UMODL1: variants seen among roughly 807,000 people sequenced by gnomAD.
The protein encoded by UMODL1 is uromodulin like 1, also known as uromodulin-like 1.
Under a neutral mutation model 136.3 loss-of-function variants are expected in UMODL1, and 128 were observed. The ratio of observed to expected loss-of-function variants is 0.94; its 90% CI spans 0.81 to 1.09. The LOEUF is 1.09. Among genes scored for constraint, UMODL1 ranks in the 50% least tolerant of loss-of-function variants. The pLI is 0.00. For synonymous variants in UMODL1, 721 were observed against 720.0 expected (o/e 1.00, Z -0.02); for missense variants, 1,766 against 1,725.6 (o/e 1.02, Z -0.41).
intron 14 of UMODL1, among the ~76,000 whole-genome samples, chr21:42,117,689 C>G (rs765795560): frequency 1.3e-5 from 2 of 152,188 alleles, no homozygotes; most frequent in Non-Finnish European, 2.9e-5. Context: ...TGAGAAGATT[C>G]GACAGCCTTT....
intron 10 of UMODL1, among the ~76,000 whole-genome samples, chr21:42,110,431 A>T (rs2066804219): frequency 6.6e-6 from 1 of 152,156 alleles, no homozygotes; most frequent in African/African-American, 2.4e-5. Context: ...CCTGCTTCCT[A>T]ACATCCCACA....
intron 9 of UMODL1, among the ~76,000 whole-genome samples, chr21:42,109,185 G>C (rs1186632932): frequency 6.6e-6 from 1 of 151,844 alleles, no homozygotes; most frequent in Non-Finnish European, 1.5e-5. Flanking sequence ...CCCTGGCTCA[G>C]TTACTTTCCT....
chr21:42,063,675 T>C (rs1464771092), intron 1 of UMODL1, among the ~76,000 whole-genome samples: 4 of 152,226 alleles, frequency 2.6e-5, no homozygotes, highest in African/African-American at 9.6e-5. Context: ...ACTCTGGGAC[T>C]GGTGCACGCA....
At chr21:42,080,048 C>T (rs2066343524) in intron 2 of UMODL1, among the ~76,000 whole-genome samples, 1 of 152,218 alleles carries the variant, frequency 6.6e-6, no homozygotes, top group South Asian at 2.1e-4. Flanking sequence ...CTTCCCAGCC[C>T]CACGGTCAGA....
chr21:42,065,307 T>C (rs998783171), intron 1 of UMODL1, among the ~76,000 whole-genome samples: 10 of 152,194 alleles, frequency 6.6e-5, no homozygotes, highest in Non-Finnish European at 2.9e-5. Flanking sequence ...TGCGTTTCAG[T>C]TCAGATTCTA....
rs372434194 is a variant in UMODL1 at position 42,076,154 on chromosome 21, C to T, written c.226C>T (p.Arg76Trp). Residue 76 changes from arginine to tryptophan, a missense_variant, in exon 2 of 23, where the codon CGG (arginine) becomes TGG (tryptophan). Physicochemically the swap from Arg to Trp is moderately radical, Grantham distance 101. Coordinates refer to ENST00000408910, the MANE Select transcript of UMODL1 (RefSeq NM_001004416.3). ...PWRRCPKMVY[R>W]TQYLVVEVPE... ...GAGGCGGTGCCCTAAGATGGTTTAC[C>T]GGACACAGTACCTGGTAGTGGAGGT... 3.4e-5 allele frequency: 55 copies of T among 1,614,118 alleles called. No individual in the cohort carries two copies. Among genetic ancestry groups the T allele is most frequent in the African/African-American group, 3.2e-4 (24 of 74,932 alleles).
In UMODL1 at chr21:42,104,048, A is replaced by G. The variant is rs778514342; in HGVS notation, c.1480A>G (p.Thr494Ala). 12 of 1,613,794 alleles carry G rather than the reference A, an allele frequency of 7.4e-6. No homozygotes were observed. The highest frequency in any genetic ancestry group is 7.6e-6 in the Non-Finnish European group (9 of 1,180,016). The change falls in exon 9 of 23, where the codon ACA becomes GCA. Residue 494 changes from threonine to alanine, a missense_variant. By Grantham distance (58) the Thr-to-Ala change is moderately conservative. Transcript: ENST00000408910. ...APILQPLLAS[T>A]VFQIDRQGTR... ...CATACTCCAGCCCCTGTTGGCAAGCACAGTGTTCCAGATTGACCGGCAGGG... is the reference window on the plus strand; with the variant it reads ...CATACTCCAGCCCCTGTTGGCAAGCGCAGTGTTCCAGATTGACCGGCAGGG...
chr21:42,078,983 G>A (rs1183798474), intron 2 of UMODL1, among the ~76,000 whole-genome samples: 3 of 152,212 alleles, frequency 2.0e-5, no homozygotes, highest in East Asian at 1.9e-4. Flanking sequence ...ATAGCGGGGG[G>A]CCATTAGGAC....
At position 42,115,929 on chromosome 21, in the gene UMODL1, T is replaced by C; in HGVS notation, c.2419T>C (p.Phe807Leu). Residue 807 changes from phenylalanine to leucine, a missense_variant, in exon 14 of 23, where the codon TTT (phenylalanine) becomes CTT (leucine). Transcript: ENST00000408910. ...CAAAAATGTCAGGTACTCAGAATCC[T>C]TTCGCAACGCAAGCAGCCAGGAGTA... ...RIKNVRYSES[F>L]RNASSQEYRD... 1 of 1,614,044 alleles carries C rather than the reference T, an allele frequency of 6.2e-7. No individual in the cohort carries two copies. The highest frequency in any genetic ancestry group is 1.6e-4 in the Middle Eastern group (1 of 6,062).
rs778102935 is a variant in UMODL1 at position 42,085,272 on chromosome 21, A to G, written c.482-19A>G. 8 of 1,612,306 alleles carry G rather than the reference A, an allele frequency of 5.0e-6. No individual in the cohort carries two copies. Among genetic ancestry groups the G allele is most frequent in the South Asian group, 2.2e-5 (2 of 90,966 alleles). ...AACCTGTCCTGGGTCCATAATCATC[A>G]GTGTTTTCCCTTGTGTAGCTCCAGA... is the stretch of plus-strand genomic sequence containing the variant. On this transcript the variant is annotated intron_variant, in intron 3 of 22. Transcript: ENST00000408910. This position sits in a 1 kb window ranked among gnomAD's most constrained non-coding sequence, Gnocchi z 4.5.
chr21:42,137,321 T>G, intron 21 of UMODL1, 118 bp from the exon 22 acceptor site: 1 of 1,286,660 alleles, frequency 7.8e-7, no homozygotes, highest in Non-Finnish European at 1.1e-6. Flanking sequence ...GGTGCACACG[T>G]GGGCCTTGCA....
At position 42,123,126 on chromosome 21, in the gene UMODL1, C is replaced by G. The variant is rs764446073; in HGVS notation, c.3123C>G (p.Ser1041Arg). The G allele has an allele frequency of 1.7e-5, 28 of 1,613,474 alleles. No homozygotes were observed. Among genetic ancestry groups the G allele is most frequent in the Middle Eastern group, 3.3e-4 (2 of 6,060 alleles). Residue 1041 changes from serine to arginine, a missense_variant, in exon 17 of 23, where the codon AGC (serine) becomes AGG (arginine). Ser to Arg is a moderately radical substitution (Grantham distance 110, BLOSUM62 -1). Coordinates refer to ENST00000408910, the MANE Select transcript of UMODL1 (RefSeq NM_001004416.3). The surrounding 1 kb of genome is among the most constrained non-coding windows in gnomAD (Gnocchi z 4.4). ...ACGTGCTCCTGGAGGCCGGCTGGAG[C>G]GAGTGTGGGACCCTCATGCAGAGCG... ...GTHVLLEAGW[S>R]ECGTLMQSNM...
chr21:42,117,966 C>A (rs190429357), intron 14 of UMODL1, among the ~76,000 whole-genome samples: 68 of 152,214 alleles, frequency 4.5e-4, no homozygotes, highest in African/African-American at 1.6e-3. Context: ...AATTTCAGGA[C>A]AGCAAATAAT....
chr21:42,074,700 A>C (rs2066267760), intron 1 of UMODL1, among the ~76,000 whole-genome samples: 1 of 152,034 alleles, frequency 6.6e-6, no homozygotes, highest in African/African-American at 2.4e-5. Context: ...CCTCCTCCTG[A>C]TCACAGTGGT....
At chr21:42,092,534 G>A (rs1326902143) in intron 6 of UMODL1, among the ~76,000 whole-genome samples, 1 of 152,148 alleles carries the variant, frequency 6.6e-6, no homozygotes, top group Admixed American at 6.5e-5. Context: ...GAAAACTAGT[G>A]GCTTTCTAAA....
chr21:42,090,248 A>G, intron 5 of UMODL1, 50 bp from the exon 6 acceptor site: 1 of 1,609,526 alleles, frequency 6.2e-7, no homozygotes, highest in Non-Finnish European at 8.5e-7. Flanking sequence ...GATGAAGATG[A>G]CGAGGTAGCT....
At chr21:42,086,527 T>C (rs757954508) in intron 4 of UMODL1, 1 of 455,812 alleles carries the variant, frequency 2.2e-6, no homozygotes, top group South Asian at 1.5e-5. Context: ...TGTTTCCTCT[T>C]AGCTTGTTAA....
At chr21:42,096,607 G>A (rs1393545989) in intron 6 of UMODL1, among the ~76,000 whole-genome samples, 1 of 152,176 alleles carries the variant, frequency 6.6e-6, no homozygotes, top group African/African-American at 2.4e-5. Context: ...CCTGTAATCT[G>A]GGTGGGCCAT....
At chr21:42,119,949 A>T (rs536818118) in intron 15 of UMODL1, among the ~76,000 whole-genome samples, 44 of 151,070 alleles carry the variant, frequency 2.9e-4, no homozygotes, top group African/African-American at 1.1e-3. Context: ...CAAAGTAAAC[A>T]AAAAATTTTT....
Sources: gnomAD v4.1 joint callset for allele counts (sites outside exome capture counted in the v4.1 genomes callset) on GRCh38, gnomAD v4.1.1 for gene constraint, Gnocchi (gnomAD v3.1) non-coding constraint, MANE v1.5 for transcripts, NCBI Gene and HGNC (gene_info 2026-07-23, HGNC 2026-07-21) for gene names.